Variants in NEK5 observed in about 807,000 individuals in gnomAD.
The protein encoded by NEK5 is serine/threonine-protein kinase Nek5.
NEK5 carries 88 observed loss-of-function variants against 109.2 expected under a neutral mutation model. That is an observed-to-expected ratio of 0.81 (90% CI 0.68 to 0.96). NEK5 has a LOEUF of 0.96. Among genes scored for constraint, NEK5 ranks in the 40% least tolerant of loss-of-function variants. The pLI, the probability that NEK5 is intolerant of heterozygous loss-of-function variation, is 0.00. For synonymous variants in NEK5, 283 were observed against 299.9 expected (o/e 0.94, Z 0.58); for missense variants, 834 against 920.7 (o/e 0.91, Z 1.22).
Position 52,099,711 on chromosome 13 carries a change from A to G in NEK5, c.1026+32T>C, listed in dbSNP as rs376677323. ...AAACAAAAAGCATATACCATAGCTA[A>G]AAAACACAAAGGAGGGTTTAGAATG... is the stretch of plus-strand genomic sequence containing the variant. On this transcript the variant is annotated intron_variant, in intron 12 of 23. Transcript: ENST00000684899. 1.4e-5 allele frequency: 22 copies of G among 1,604,622 alleles called. No homozygotes were observed. In the African/African-American group the frequency reaches 2.7e-4, roughly 20 times the overall value.
At chr13:52,067,819 G>A (rs1954715024) in intron 20 of NEK5, among the ~76,000 whole-genome samples, 1 of 151,804 alleles carries the variant, frequency 6.6e-6, no homozygotes, top group African/African-American at 2.4e-5. Context: ...AGCCTCCCAA[G>A]TAGCTGAGAT....
intron 23 of NEK5, among the ~76,000 whole-genome samples, chr13:52,044,190 G>A (rs1954437958): frequency 6.6e-6 from 1 of 152,182 alleles, no homozygotes; most frequent in Admixed American, 6.5e-5. Context: ...CTTCGGTTTT[G>A]AATTTGGACT....
chr13:52,118,994 A>C (rs1385123454), intron 4 of NEK5, among the ~76,000 whole-genome samples: 1 of 152,182 alleles, frequency 6.6e-6, no homozygotes, highest in Non-Finnish European at 1.5e-5. Context: ...CATGTAATGT[A>C]AGTGAGAAAT....
At chr13:52,077,562 G>A (rs1430021831) in intron 17 of NEK5, among the ~76,000 whole-genome samples, 1 of 152,144 alleles carries the variant, frequency 6.6e-6, no homozygotes, top group Non-Finnish European at 1.5e-5. Flanking sequence ...GTATTAAGGT[G>A]CTAGAGTCTG....
chr13:52,102,226 G>C lies in NEK5; in HGVS notation c.676C>G (p.Pro226Ala). The C allele has an allele frequency of 6.2e-7, 1 of 1,613,992 alleles. No individual in the cohort carries two copies. The highest frequency in any genetic ancestry group is 1.1e-5 in the South Asian group (1 of 91,078). Residue 226 changes from proline to alanine, a missense_variant, in exon 10 of 24, where the codon CCG becomes GCG. By Grantham distance (27) the Pro-to-Ala change is conservative (BLOSUM62 -1). Transcript: ENST00000684899. ...GAATGGAGCTCACGAGAAAACCCCG[G>C]AGATATTGGGGCAAAATGTGCTTGA... ...ICQAHFAPIS[P>A]GFSRELHSLI...
chr13:52,063,958 G>C (rs1267000975), intron 21 of NEK5, among the ~76,000 whole-genome samples: 3 of 146,220 alleles, frequency 2.1e-5, no homozygotes, highest in Non-Finnish European at 4.5e-5. Flanking sequence ...GGGGGGGTCA[G>C]CCCCCCGCCC....
rs1275750587 is a variant in NEK5, at chr13:52,033,788, CCA to C, written c.*3158_*3159del. The C allele has an allele frequency of 4.6e-5, 7 of 152,148 alleles. No homozygotes were observed. Among genetic ancestry groups the C allele is most frequent in the East Asian group, 1.9e-4 (1 of 5,184 alleles). The allele number at this position is 152,148 out of a possible 1,614,324, so 9.4% of individuals were successfully genotyped here. A position where few individuals can be genotyped will look rare whatever the true frequency, so the allele number is the denominator to read the frequency against. The stretch of plus-strand genomic sequence containing the variant: ...ATACTTGTGTTTATGTAAATATACC[CCA>C]GAGTCCAAAACTCTGATATATTCAT... On this transcript the variant is annotated 3_prime_UTR_variant, in exon 24 of 24. Transcript: ENST00000684899.
chr13:52,093,196 C>T lies in NEK5; in HGVS notation c.1066G>A (p.Gly356Arg). 2 of 1,613,264 alleles carry T rather than the reference C, an allele frequency of 1.2e-6. No individual in the cohort carries two copies. Among genetic ancestry groups the T allele is most frequent in the Non-Finnish European group, 1.7e-6 (2 of 1,179,610 alleles). The part of the protein sequence containing the change: ...IERPKIAAVC[G>R]HYDYYYAQLD... ...TGAGCATAATAATAATCATAATGTC[C>T]ACAGACAGCAGCAATTTTGGGTCTT... The change falls in exon 13 of 24, where the codon GGA (glycine) becomes AGA (arginine). Residue 356 changes from glycine (G) to arginine (R), a missense_variant. By Grantham distance (125) the Gly-to-Arg change is moderately radical (BLOSUM62 -2). Transcript: ENST00000684899.
intron 22 of NEK5, among the ~76,000 whole-genome samples, chr13:52,053,513 T>G (rs1430476898): frequency 1.3e-5 from 2 of 152,136 alleles, no homozygotes; most frequent in Non-Finnish European, 2.9e-5. Flanking sequence ...TGACTTTCTT[T>G]CCACCAAGCA....
At chr13:52,086,468 G>T (rs1955145705) in intron 15 of NEK5, 105 bp from the exon 16 acceptor site, 1 of 748,016 alleles carries the variant, frequency 1.3e-6, no homozygotes, top group Admixed American at 2.4e-5. Flanking sequence ...ATAAAATAAG[G>T]TTAGAAAAAT....
intron 4 of NEK5, 113 bp downstream of exon 4, chr13:52,119,206 A>C: frequency 2.2e-6 from 1 of 464,068 alleles, no homozygotes. Flanking sequence ...AAATGGGGAA[A>C]TGACCCATTT....
chr13:52,038,428 T>A (rs1232083987), intron 23 of NEK5, among the ~76,000 whole-genome samples: 1 of 152,056 alleles, frequency 6.6e-6, no homozygotes, highest in East Asian at 1.9e-4. Flanking sequence ...CCAAATAGGA[T>A]GAGGACTGAG....
chr13:52,099,426 C>T (rs1955483960), intron 12 of NEK5, among the ~76,000 whole-genome samples: 1 of 152,086 alleles, frequency 6.6e-6, no homozygotes, highest in Non-Finnish European at 1.5e-5. Flanking sequence ...AATCCCAGCA[C>T]TTTGGGAGGC....
intron 18 of NEK5, 76 bp downstream of exon 18, chr13:52,075,987 G>A (rs1954861403): frequency 8.1e-6 from 8 of 992,556 alleles, no homozygotes; most frequent in Non-Finnish European, 1.2e-5. Flanking sequence ...GGAAAATCAT[G>A]CAGGCAACCG....
intron 11 of NEK5, among the ~76,000 whole-genome samples, 198 bp downstream of exon 11, chr13:52,101,735 G>A (rs901319327): frequency 4.6e-5 from 7 of 152,136 alleles, no homozygotes; most frequent in Non-Finnish European, 1.0e-4. Context: ...AACCCTGCAG[G>A]TCATGCATGA....
At chr13:52,118,355 C>G (rs1230856970) in intron 4 of NEK5, among the ~76,000 whole-genome samples, 1 of 152,148 alleles carries the variant, frequency 6.6e-6, no homozygotes, top group Non-Finnish European at 1.5e-5. Context: ...TAAGACACAC[C>G]TGACATACTG....
intron 4 of NEK5, among the ~76,000 whole-genome samples, chr13:52,113,143 C>A (rs1001439425): frequency 6.6e-6 from 1 of 151,366 alleles, no homozygotes; most frequent in Non-Finnish European, 1.5e-5. Flanking sequence ...TAGCTATTGA[C>A]CTAAATGTTG....
At position 52,062,555 on chromosome 13, in the gene NEK5, G is replaced by A. The variant is rs149352490; in HGVS notation, c.1976-602C>T. 5.3e-3 allele frequency among the ~76,000 whole-genome samples: 807 copies of A among 151,868 alleles called. 3 individuals are homozygous for A. Among genetic ancestry groups the A allele is most frequent in the Non-Finnish European group, 7.2e-3 (491 of 67,928 alleles). On this transcript the variant is annotated intron_variant, in intron 21 of 23. Transcript: ENST00000684899. Reference sequence around the variant, plus strand: ...CCTGCCTCAGCCTCCCGAGTAGCTGGGATTACAGGTGTGTGCCATCACACC... The same window carrying A: ...CCTGCCTCAGCCTCCCGAGTAGCTGAGATTACAGGTGTGTGCCATCACACC...
chr13:52,047,245 A>T (rs1954467568), intron 23 of NEK5, among the ~76,000 whole-genome samples: 2 of 152,216 alleles, frequency 1.3e-5, no homozygotes, highest in South Asian at 2.1e-4. Context: ...TAAACTATAC[A>T]TATACTAGTT....
Sources: gnomAD v4.1 joint callset for allele counts (sites outside exome capture counted in the v4.1 genomes callset) on GRCh38, gnomAD v4.1.1 for gene constraint, MANE v1.5 for transcripts, NCBI Gene and HGNC (gene_info 2026-07-23, HGNC 2026-07-21) for gene names.